Variants in JARID2 observed in about 807,000 individuals in gnomAD.
JARID2 encodes protein Jumonji.
In JARID2, 21 loss-of-function variants were observed where a neutral mutation model predicts 125.6. The ratio of observed to expected loss-of-function variants is 0.17; its 90% CI spans 0.12 to 0.24. JARID2 has a LOEUF of 0.24. JARID2 is among the 10% of genes least tolerant of loss of function. The pLI is 1.00. For missense variants in JARID2, 1,303 were observed against 1,639.6 expected (o/e 0.79, Z 3.55); for synonymous variants, 736 against 661.6 (o/e 1.11, Z -1.73).
intron 12 of JARID2, chr6:15,508,946 A>G (rs1205037828): frequency 7.8e-7 from 1 of 1,288,666 alleles, no homozygotes; most frequent in African/African-American, 1.5e-5. Context: ...GTGGTATTTC[A>G]TGATTGGTTA....
chr6:15,479,532 T>G (rs981124102), intron 5 of JARID2, among the ~76,000 whole-genome samples: 1 of 152,224 alleles, frequency 6.6e-6, no homozygotes, highest in African/African-American at 2.4e-5. Context: ...TTTAAGTTCT[T>G]CTATAGAAAA....
chr6:15,407,086 C>T (rs1411780804), intron 2 of JARID2, among the ~76,000 whole-genome samples: 1 of 151,822 alleles, frequency 6.6e-6, no homozygotes, highest in African/African-American at 2.4e-5. Context: ...AAAGCAAGAC[C>T]CCATGTATAA....
chr6:15,287,606 T>G (rs1761052643), intron 1 of JARID2, among the ~76,000 whole-genome samples: 1 of 152,238 alleles, frequency 6.6e-6, no homozygotes, highest in Non-Finnish European at 1.5e-5. Flanking sequence ...AAAGTGAATA[T>G]GGGACTGTTT....
intron 1 of JARID2, among the ~76,000 whole-genome samples, chr6:15,360,643 C>T (rs889402899): frequency 1.3e-5 from 2 of 152,056 alleles, no homozygotes; most frequent in African/African-American, 4.8e-5. Flanking sequence ...GCCGTCATGC[C>T]TAATTTTAAG....
At chr6:15,483,704 C>T (rs1179712332) in intron 5 of JARID2, among the ~76,000 whole-genome samples, 2 of 152,084 alleles carry the variant, frequency 1.3e-5, no homozygotes, top group East Asian at 3.8e-4. Flanking sequence ...AATAATTCTG[C>T]TGTGAATATT....
intron 16 of JARID2, among the ~76,000 whole-genome samples, chr6:15,514,098 C>G (rs1581671194): frequency 6.6e-6 from 1 of 152,336 alleles, no homozygotes; most frequent in East Asian, 1.9e-4. Flanking sequence ...ATACCAAACA[C>G]CTCCTCCCCC....
chr6:15,306,672 T>G (rs1295916998), intron 1 of JARID2, among the ~76,000 whole-genome samples: 1 of 151,962 alleles, frequency 6.6e-6, no homozygotes, highest in African/African-American at 2.4e-5. Flanking sequence ...TCATACTGTT[T>G]ATTTAGTCCA....
intron 1 of JARID2, among the ~76,000 whole-genome samples, chr6:15,308,715 T>C (rs1279601051): frequency 6.6e-6 from 1 of 152,214 alleles, no homozygotes; most frequent in Non-Finnish European, 1.5e-5. Flanking sequence ...AGCCAGACTC[T>C]CCCTACTTTG....
At chr6:15,461,728 C>G (rs976630113) in intron 4 of JARID2, among the ~76,000 whole-genome samples, 2 of 152,102 alleles carry the variant, frequency 1.3e-5, no homozygotes, top group African/African-American at 4.8e-5. Context: ...TTGCTTTTGC[C>G]TATGTTTGGA....
chr6:15,264,334 C>A (rs894720066), intron 1 of JARID2, among the ~76,000 whole-genome samples: 4 of 152,098 alleles, frequency 2.6e-5, no homozygotes, highest in Admixed American at 2.0e-4. Context: ...TCAAAAAATT[C>A]TTTACTGATG....
chr6:15,295,905 C>T (rs1247182312), intron 1 of JARID2, among the ~76,000 whole-genome samples: 2 of 152,212 alleles, frequency 1.3e-5, no homozygotes, highest in African/African-American at 4.8e-5. Context: ...TCATGATCCA[C>T]CCTCCTTGGC....
intron 4 of JARID2, among the ~76,000 whole-genome samples, chr6:15,463,041 T>TC (rs1768526823): frequency 6.6e-6 from 1 of 152,170 alleles, no homozygotes; most frequent in Admixed American, 6.5e-5. Flanking sequence ...GCAGATGCAT[T>TC]CCGTACTCTG....
intron 17 of JARID2, among the ~76,000 whole-genome samples, chr6:15,519,653 G>GTATTTA (rs1771736456): frequency 2.0e-5 from 3 of 152,248 alleles, no homozygotes; most frequent in Non-Finnish European, 2.9e-5. Context: ...AGAAGTGTTT[G>GTATTTA]CATTTACTTG....
intron 4 of JARID2, among the ~76,000 whole-genome samples, chr6:15,458,256 G>A (rs1168559604): frequency 1.3e-5 from 2 of 152,210 alleles, no homozygotes; most frequent in African/African-American, 4.8e-5. Context: ...CAGGTTAAAT[G>A]ATTCTCTTAT....
At position 15,247,152 on chromosome 6, in the gene JARID2, G is replaced by T. The variant is rs1393364631; in HGVS notation, c.45+568G>T. Among the ~76,000 whole-genome samples the T allele has an allele frequency of 2.0e-5, 3 of 152,116 alleles. 1 individual carries two copies. The highest frequency in any genetic ancestry group is 2.9e-5 in the Non-Finnish European group (2 of 68,032). ...CATGTTACAGCGAATGCATTTGTTG[G>T]GATTGACTTTAATAATGAGGCTGGT... On this transcript the variant is annotated intron_variant, in intron 1 of 17. Coordinates refer to ENST00000341776, the MANE Select transcript of JARID2 (RefSeq NM_004973.4).
At chr6:15,441,855 G>A (rs1358820571) in intron 3 of JARID2, among the ~76,000 whole-genome samples, 3 of 151,722 alleles carry the variant, frequency 2.0e-5, no homozygotes, top group African/African-American at 7.3e-5. Flanking sequence ...GCAATGGCAC[G>A]GTCTCGGCTC....
chr6:15,456,862 AAAAC>A (rs994138340), intron 4 of JARID2, among the ~76,000 whole-genome samples: 1 of 147,216 alleles, frequency 6.8e-6, no homozygotes, highest in Non-Finnish European at 1.5e-5. Flanking sequence ...TAATTTAAGA[AAAAC>A]AGGATGTTAA....
At chr6:15,442,764 A>T (rs2127620695) in intron 3 of JARID2, among the ~76,000 whole-genome samples, 1 of 152,322 alleles carries the variant, frequency 6.6e-6, no homozygotes, top group South Asian at 2.1e-4. Context: ...GCTTTCTAGA[A>T]CACAAAAGAA....
intron 11 of JARID2, among the ~76,000 whole-genome samples, chr6:15,507,833 G>C (rs936651964): frequency 2.6e-5 from 4 of 152,232 alleles, no homozygotes; most frequent in Admixed American, 6.5e-5. Flanking sequence ...TGGTCACCAT[G>C]AATGTGAAGG....
Sources: gnomAD v4.1 joint callset for allele counts (sites outside exome capture counted in the v4.1 genomes callset) on GRCh38, gnomAD v4.1.1 for gene constraint, MANE v1.5 for transcripts, NCBI Gene and HGNC (gene_info 2026-07-23, HGNC 2026-07-21) for gene names.